Variants in HS6ST3 observed in about 807,000 individuals in gnomAD.
HS6ST3 encodes the protein heparan sulfate 6-O-sulfotransferase 3.
Under a neutral mutation model 36.7 loss-of-function variants are expected in HS6ST3, and 12 were observed. The observed-to-expected ratio is 0.33, with a 90% CI of 0.21 to 0.53. HS6ST3 has a LOEUF of 0.53. Among genes scored for constraint, HS6ST3 ranks in the 20% least tolerant of loss-of-function variants. HS6ST3 has a pLI of 0.95. For missense variants in HS6ST3, 584 were observed against 640.9 expected (o/e 0.91, Z 0.96); for synonymous variants, 240 against 257.5 (o/e 0.93, Z 0.65).
At chr13:96,484,016 G>A (rs578160944) in intron 1 of HS6ST3, among the ~76,000 whole-genome samples, 1 of 152,182 alleles carries the variant, frequency 6.6e-6, no homozygotes, top group South Asian at 2.1e-4. Flanking sequence ...TTTCCTTCAT[G>A]TATTGTCTTT....
chr13:96,310,056 G>T (rs2054932577), intron 1 of HS6ST3, among the ~76,000 whole-genome samples: 1 of 152,068 alleles, frequency 6.6e-6, no homozygotes, highest in Non-Finnish European at 1.5e-5. Context: ...AGTCTTACAA[G>T]ATTTTATTTT....
chr13:96,506,958 A>G (rs554607021), intron 1 of HS6ST3, among the ~76,000 whole-genome samples: 2 of 152,280 alleles, frequency 1.3e-5, no homozygotes, highest in East Asian at 3.9e-4. Context: ...ACCCGTGGGT[A>G]TGGATAGTTC....
intron 1 of HS6ST3, among the ~76,000 whole-genome samples, chr13:96,766,841 A>G (rs1415144842): frequency 1.3e-5 from 2 of 152,228 alleles, no homozygotes; most frequent in African/African-American, 4.8e-5. Flanking sequence ...AATTATAGAC[A>G]GTACTAACTT....
chr13:96,328,590 T>G (rs1322532498), intron 1 of HS6ST3, among the ~76,000 whole-genome samples: 2 of 151,620 alleles, frequency 1.3e-5, no homozygotes, highest in Admixed American at 1.3e-4. Context: ...TGCCAGTATT[T>G]TATTGAGGAT....
At chr13:96,756,708 G>A (rs935508871) in intron 1 of HS6ST3, among the ~76,000 whole-genome samples, 6 of 152,052 alleles carry the variant, frequency 3.9e-5, no homozygotes, top group African/African-American at 1.4e-4. Context: ...CATACATTTG[G>A]TTAAGTTTAT....
intron 1 of HS6ST3, among the ~76,000 whole-genome samples, chr13:96,101,412 T>C (rs2053817841): frequency 6.6e-6 from 1 of 152,140 alleles, no homozygotes; most frequent in African/African-American, 2.4e-5. Context: ...AGTTTTAATT[T>C]TAAAGGACTT....
rs2056278725 is a variant in HS6ST3 at position 96,565,724 on chromosome 13, T to G, written c.708-266766T>G. Among the ~76,000 whole-genome samples, 4 of 152,166 alleles carry G rather than the reference T, an allele frequency of 2.6e-5. No homozygotes were observed. The South Asian group carries it at 8.3e-4, about 32-fold the overall frequency. ...TTTAAGGTTCTAAAATCTGTGGGTA[T>G]CCTAAAGAAAAGCCTGGCTTATAGT... is the stretch of plus-strand genomic sequence containing the variant. On this transcript the variant is annotated intron_variant, in intron 1 of 1. Transcript: ENST00000376705.
intron 1 of HS6ST3, among the ~76,000 whole-genome samples, chr13:96,203,146 G>A (rs2054351555): frequency 1.3e-5 from 2 of 152,094 alleles, no homozygotes; most frequent in South Asian, 4.1e-4. Flanking sequence ...ATATAAACAC[G>A]GCCCTACTCC....
chr13:96,390,021 T>C (rs1057241048), intron 1 of HS6ST3, among the ~76,000 whole-genome samples: 10 of 152,202 alleles, frequency 6.6e-5, no homozygotes, highest in African/African-American at 2.4e-4. Flanking sequence ...TTCTCTTTTT[T>C]TTGTAGTATA....
At chr13:96,483,155 C>G (rs557914049) in intron 1 of HS6ST3, among the ~76,000 whole-genome samples, 1 of 152,128 alleles carries the variant, frequency 6.6e-6, no homozygotes, top group African/African-American at 2.4e-5. Context: ...AGGAATATGG[C>G]TTGATGGTTT....
At chr13:96,528,122 G>T (rs939489355) in intron 1 of HS6ST3, among the ~76,000 whole-genome samples, 1 of 152,040 alleles carries the variant, frequency 6.6e-6, no homozygotes, top group Admixed American at 6.6e-5. Flanking sequence ...TTTTTAATAC[G>T]ATGAGAAGTA....
intron 1 of HS6ST3, among the ~76,000 whole-genome samples, chr13:96,196,561 C>A (rs2054315161): frequency 1.3e-5 from 2 of 152,132 alleles, no homozygotes; most frequent in Non-Finnish European, 2.9e-5. Flanking sequence ...GGCCATGGGA[C>A]CAGTGAATGC....
At chr13:96,392,478 A>G (rs547596359) in intron 1 of HS6ST3, among the ~76,000 whole-genome samples, 1 of 152,272 alleles carries the variant, frequency 6.6e-6, no homozygotes, top group East Asian at 1.9e-4. Context: ...ACACGACCCC[A>G]TGAGCACTTG....
At chr13:96,300,150 A>G (rs1763076167) in intron 1 of HS6ST3, among the ~76,000 whole-genome samples, 1 of 139,336 alleles carries the variant, frequency 7.2e-6, no homozygotes, top group African/African-American at 2.7e-5. Context: ...TCTGTCTCCC[A>G]GGTTCAAGCA....
chr13:96,577,184 G>T (rs1188392033), intron 1 of HS6ST3, among the ~76,000 whole-genome samples: 1 of 151,958 alleles, frequency 6.6e-6, no homozygotes, highest in Non-Finnish European at 1.5e-5. Context: ...ACCCCTGACA[G>T]GCCCTGGTGT....
In HS6ST3 at chr13:96,711,133, G is replaced by A. The variant is rs1431870839; in HGVS notation, c.708-121357G>A. 3.9e-5 allele frequency among the ~76,000 whole-genome samples: 6 copies of A among 152,100 alleles called. No individual in the cohort carries two copies. The South Asian group carries it at 6.2e-4, about 16-fold the overall frequency. On this transcript the variant is annotated intron_variant, in intron 1 of 1. Coordinates refer to ENST00000376705, the MANE Select transcript of HS6ST3 (RefSeq NM_153456.4). ...GCAAGCAACCTGTGTTTCTTCCTCC[G>A]CTCTTGCATCTTTCTTAGCCCTGCA...
intron 1 of HS6ST3, among the ~76,000 whole-genome samples, chr13:96,807,208 A>G: frequency 6.6e-6 from 1 of 152,214 alleles, no homozygotes; most frequent in East Asian, 1.9e-4. Context: ...TGACAATTAC[A>G]TCACAAACCA....
chr13:96,402,459 T>G (rs1303059454), intron 1 of HS6ST3, among the ~76,000 whole-genome samples: 1 of 152,198 alleles, frequency 6.6e-6, no homozygotes, highest in Non-Finnish European at 1.5e-5. Flanking sequence ...CATAATTTAA[T>G]TTTAAGTGTG....
At chr13:96,727,434 G>T (rs1198059307) in intron 1 of HS6ST3, among the ~76,000 whole-genome samples, 1 of 151,742 alleles carries the variant, frequency 6.6e-6, no homozygotes, top group Non-Finnish European at 1.5e-5. Context: ...CACTACATTA[G>T]GTCAACTCAC....
Sources: allele counts gnomAD v4.1 joint callset (sites outside exome capture counted in the v4.1 genomes callset), GRCh38; gene constraint gnomAD v4.1.1; transcripts MANE v1.5; gene names NCBI Gene and HGNC (gene_info 2026-07-23, HGNC 2026-07-21).